The following HYAL1 variants were observed in gnomAD, a reference collection of about 807,000 sequenced individuals.
The protein encoded by HYAL1 is hyaluronidase 1, also known as hyaluronidase-1.
Under a neutral mutation model 28.8 loss-of-function variants are expected in HYAL1, and 21 were observed. The ratio of observed to expected loss-of-function variants is 0.73; its 90% CI spans 0.52 to 1.05. The LOEUF (loss-of-function observed/expected upper bound fraction) is 1.05. HYAL1 is among the 50% of genes least tolerant of loss of function. The probability of loss-of-function intolerance (pLI) is 0.00; values close to 1 mark genes in which losing one functional copy is unlikely to be tolerated. For missense variants in HYAL1, 491 were observed against 579.2 expected (o/e 0.85, Z 1.56); for synonymous variants, 200 against 230.1 (o/e 0.87, Z 1.18).
chr3:50,311,483 C>T (rs1481440129), intron 1 of HYAL1, among the ~76,000 whole-genome samples: 32 of 120,420 alleles, frequency 2.7e-4, no homozygotes, highest in African/African-American at 5.2e-4. Context: ...GGCGGCTGGC[C>T]GGGCAGAGGG....
intron 2 of HYAL1, among the ~76,000 whole-genome samples, chr3:50,308,909 T>G (rs1261805456): frequency 1.3e-5 from 2 of 148,316 alleles, no homozygotes; most frequent in African/African-American, 5.1e-5. Flanking sequence ...TTTTGTATTT[T>G]TAGTAGAGAC....
At position 50,300,783 on chromosome 3, in the gene HYAL1, G is replaced by C; in HGVS notation, c.1008C>G (p.Ile336Met). The C allele has an allele frequency of 6.2e-7, 1 of 1,613,882 alleles. No individual in the cohort carries two copies. Among genetic ancestry groups the C allele is most frequent in the Non-Finnish European group, 8.5e-7 (1 of 1,179,928 alleles). ...NTRTKESCQA[I>M]KEYMDTTLGP... ...CCAGTGTAGTGTCCATATACTCCTT[G>C]ATGGCCTGACATGATTCCTAGGTGG... Residue 336 changes from isoleucine (I) to methionine (M), a missense_variant, in exon 4 of 4, where the codon ATC becomes ATG. By Grantham distance (10) the Ile-to-Met change is conservative. Transcript: ENST00000395144.
intron 2 of HYAL1, chr3:50,309,616 G>C (rs1553714490): frequency 6.6e-6 from 1 of 151,242 alleles, no homozygotes; most frequent in East Asian, 1.9e-4. Context: ...GGGAAAACTG[G>C]CCTCACATTT....
At chr3:50,311,968 C>T (rs1304525451) in intron 1 of HYAL1, among the ~76,000 whole-genome samples, 3 of 144,456 alleles carry the variant, frequency 2.1e-5, no homozygotes, top group Non-Finnish European at 4.5e-5. Context: ...TAGGGGCGGC[C>T]GGGCAGAGGC....
chr3:50,311,741 G>A (rs1234920214), intron 1 of HYAL1, among the ~76,000 whole-genome samples: 3 of 145,586 alleles, frequency 2.1e-5, no homozygotes, highest in South Asian at 2.1e-4. Flanking sequence ...CCTCCCTCAC[G>A]GACGGGGCGG....
At chr3:50,303,201 TC>T in intron 1 of HYAL1, 1 of 466,554 alleles carries the variant, frequency 2.1e-6, no homozygotes. Context: ...CTCTGCCATC[TC>T]CCACAGGACT....
upstream of HYAL1, among the ~76,000 whole-genome samples, chr3:50,307,548 G>T (rs1330426344): frequency 2.7e-5 from 4 of 147,178 alleles, no homozygotes; most frequent in African/African-American, 1.0e-4. Flanking sequence ...GGGCGTGGTG[G>T]TGGGCGCCTG....
chr3:50,303,087 T>C (rs1349458902), intron 1 of HYAL1, 107 bp from the exon 2 acceptor site: 15 of 897,406 alleles, frequency 1.7e-5, no homozygotes, highest in Non-Finnish European at 2.3e-5. Flanking sequence ...GCTGCTCTGG[T>C]TTCTGTTAAA....
chr3:50,310,386 C>T (rs1313461457), intron 1 of HYAL1, among the ~76,000 whole-genome samples: 5 of 149,418 alleles, frequency 3.3e-5, no homozygotes, highest in Non-Finnish European at 7.4e-5. Context: ...GCCTCAGCCT[C>T]CTGAGTAGCT....
At chr3:50,303,252 G>A (rs1553713533) in intron 1 of HYAL1, 3 of 328,372 alleles carry the variant, frequency 9.1e-6, no homozygotes, top group Admixed American at 8.9e-5. Flanking sequence ...TTCCCCATGA[G>A]CCACTGAGGC....
chr3:50,310,305 C>T (rs1553714576), intron 1 of HYAL1, among the ~76,000 whole-genome samples: 1 of 145,144 alleles, frequency 6.9e-6, no homozygotes, highest in Non-Finnish European at 1.5e-5. Flanking sequence ...CGCTCTGTCA[C>T]TCAGGCTGGA....
At chr3:50,306,702 C>T (rs1194608040), upstream of HYAL1, among the ~76,000 whole-genome samples, 2 of 151,080 alleles carry the variant, frequency 1.3e-5, no homozygotes, top group Non-Finnish European at 2.9e-5. Context: ...GCTTGGCCAA[C>T]ATGGTGAAAC....
At chr3:50,311,909 C>CCT (rs1702472925) in intron 1 of HYAL1, among the ~76,000 whole-genome samples, 1 of 144,930 alleles carries the variant, frequency 6.9e-6, no homozygotes, top group Non-Finnish European at 1.5e-5. Flanking sequence ...TCCCCCCTCC[C>CCT]CTCACGGATG....
Position 50,301,826 on chromosome 3 carries a change from G to A in HYAL1, c.900+231C>T, listed in dbSNP as rs587731975. ...AAATTAGCTGGGTGTGGTGGCGGGC[G>A]CCTGTATCCCAGCTACTCGGAGGCT... On this transcript the variant is annotated intron_variant, in intron 2 of 3. Coordinates refer to ENST00000395144, the MANE Select transcript of HYAL1 (RefSeq NM_033159.4). Among the ~76,000 whole-genome samples the A allele has an allele frequency of 2.0e-3, 297 of 151,156 alleles. 1 individual carries two copies. Among genetic ancestry groups the A allele is most frequent in the African/African-American group, 6.5e-3 (266 of 41,124 alleles).
chr3:50,301,139 A>T lies in HYAL1; in HGVS notation c.901-62T>A. 1.4e-5 allele frequency: 16 copies of T among 1,124,000 alleles called. No individual in the cohort carries two copies. The South Asian group carries it at 1.9e-4, about 13-fold the overall frequency. The allele number at this position is 1,124,000 out of a possible 1,614,324, so 69.6% of individuals were successfully genotyped here. A position where few individuals can be genotyped will look rare whatever the true frequency, so the allele number is the denominator to read the frequency against. On this transcript the variant is annotated intron_variant, in intron 2 of 3. Transcript: ENST00000395144. ...TCCCACCATGTGGCAGACTGCTGGA[A>T]CACCATTAGATGGGACAAATAATTC...
intron 1 of HYAL1, 176 bp downstream of exon 1, chr3:50,303,290 T>G (rs1702246914): frequency 4.6e-6 from 1 of 219,194 alleles, no homozygotes. Flanking sequence ...GAAGAGTGGC[T>G]GACAGCCAGG....
In HYAL1 at chr3:50,311,437, G is replaced by T. The variant is rs587671871; in HGVS notation, c.-310+827C>A. 3.7e-4 allele frequency among the ~76,000 whole-genome samples: 50 copies of T among 135,394 alleles called. 1 individual carries two copies. The East Asian group carries it at 8.1e-3, about 22-fold the overall frequency. 88.8% of individuals were successfully genotyped at this position (135,394 alleles called of 152,430 possible). ...TCCCGGATGGGGCGGCTGGCCAGGC[G>T]GGGGGCTGACCCCCCCCCACCTCCC... On this transcript the variant is annotated intron_variant, in intron 1 of 5. Coordinates refer to the HYAL1 transcript ENST00000320295.
Position 50,300,461 on chromosome 3 carries a change from G to T in HYAL1, c.*22C>A. 1 of 1,613,000 alleles carries T rather than the reference G, an allele frequency of 6.2e-7. No individual in the cohort carries two copies. The highest frequency in any genetic ancestry group is 8.5e-7 in the Non-Finnish European group (1 of 1,178,988). ...CCAGAGTGCATTAGGTTCTCAATAT[G>T]TGCAACTCAGTGTGTGGCCAATCAC... On this transcript the variant is annotated 3_prime_UTR_variant, in exon 4 of 4. Transcript: ENST00000395144.
upstream of HYAL1, among the ~76,000 whole-genome samples, chr3:50,306,750 G>T (rs1371060685): frequency 1.3e-5 from 2 of 150,810 alleles, no homozygotes; most frequent in African/African-American, 5.0e-5. Flanking sequence ...GCCCGGCATG[G>T]TGGTGGGTGC....
Sources: allele counts gnomAD v4.1 joint callset (sites outside exome capture counted in the v4.1 genomes callset), GRCh38; gene constraint gnomAD v4.1.1; transcripts MANE v1.5; gene names NCBI Gene and HGNC (gene_info 2026-07-23, HGNC 2026-07-21).